The following BABAM2 variants were observed in gnomAD, a reference collection of about 807,000 sequenced individuals.
BABAM2 encodes BRISC and BRCA1-A complex member 2.
In BABAM2, 31 loss-of-function variants were observed where a neutral mutation model predicts 54.7. The observed-to-expected ratio is 0.57, with a 90% CI of 0.43 to 0.77. The LOEUF (loss-of-function observed/expected upper bound fraction) is 0.77, where lower values mean the gene tolerates loss of function less well. Among genes scored for constraint, BABAM2 ranks in the 30% least tolerant of loss-of-function variants. The pLI is 0.00. For synonymous variants in BABAM2, 167 were observed against 162.9 expected, an observed-to-expected ratio of 1.03 and a Z score of -0.19; for missense variants, 364 against 455.8, an observed-to-expected ratio of 0.80 and a Z score of 1.83.
At chr2:28,031,615 A>G (rs1288732991) in intron 5 of BABAM2, among the ~76,000 whole-genome samples, 3 of 152,196 alleles carry the variant, frequency 2.0e-5, no homozygotes, top group Non-Finnish European at 4.4e-5. Context: ...GTTAAAATCC[A>G]ATTTGGAAGG....
At position 27,899,816 on chromosome 2, in the gene BABAM2, A is replaced by G. The variant is rs1359048676; in HGVS notation, c.128+5132A>G. On this transcript the variant is annotated intron_variant, in intron 2 of 11. Coordinates refer to ENST00000379624, the MANE Select transcript of BABAM2 (RefSeq NM_199191.3). ...CTGCCTGAAAAATATGTGATATGGC[A>G]TTTAATGACATTTAATATGTATGGA... 5.3e-5 allele frequency among the ~76,000 whole-genome samples: 8 copies of G among 152,310 alleles called. No individual in the cohort carries two copies. The East Asian group carries it at 1.2e-3, about 22-fold the overall frequency.
intron 7 of BABAM2, among the ~76,000 whole-genome samples, chr2:28,147,716 A>C (rs1389532286): frequency 2.0e-5 from 3 of 152,154 alleles, no homozygotes; most frequent in South Asian, 2.1e-4. Context: ...CTCGTGATCC[A>C]CCCGTCTCGG....
At chr2:28,241,774 T>A (rs1682458558) in intron 9 of BABAM2, among the ~76,000 whole-genome samples, 1 of 151,900 alleles carries the variant, frequency 6.6e-6, no homozygotes, top group Non-Finnish European at 1.5e-5. Flanking sequence ...ATTACAGGCG[T>A]GAGCCACCAC....
intron 10 of BABAM2, among the ~76,000 whole-genome samples, chr2:28,284,213 C>A (rs1686611085): frequency 6.6e-6 from 1 of 152,104 alleles, no homozygotes; most frequent in Non-Finnish European, 1.5e-5. Context: ...ATCAGAATTG[C>A]TATCAAAGAG....
At chr2:28,257,772 C>T (rs1684093922) in intron 10 of BABAM2, among the ~76,000 whole-genome samples, 1 of 152,134 alleles carries the variant, frequency 6.6e-6, no homozygotes, top group Non-Finnish European at 1.5e-5. Context: ...GTAGTCTCAG[C>T]TACTCAGAAG....
chr2:27,907,265 T>G (rs1369011034), intron 2 of BABAM2, among the ~76,000 whole-genome samples: 16 of 152,106 alleles, frequency 1.1e-4, no homozygotes, highest in African/African-American at 4.8e-5. Context: ...CTTTTTTTTT[T>G]TTGTTTTCCG....
intron 3 of BABAM2, among the ~76,000 whole-genome samples, chr2:27,956,074 T>C (rs908184800): frequency 6.6e-6 from 1 of 152,142 alleles, no homozygotes; most frequent in African/African-American, 2.4e-5. Flanking sequence ...CATGCATGAA[T>C]TATTTTAAAT....
At chr2:28,040,409 T>C (rs1391748066) in intron 5 of BABAM2, among the ~76,000 whole-genome samples, 2 of 145,564 alleles carry the variant, frequency 1.4e-5, no homozygotes, top group Admixed American at 1.4e-4. Context: ...CACGCCATTC[T>C]CCTGCCTCAG....
intron 2 of BABAM2, among the ~76,000 whole-genome samples, chr2:27,923,181 T>A (rs1279314836): frequency 6.6e-6 from 1 of 152,228 alleles, no homozygotes; most frequent in Non-Finnish European, 1.5e-5. Context: ...TTCATATGCC[T>A]TACTTGAAGA....
intron 4 of BABAM2, among the ~76,000 whole-genome samples, chr2:28,005,582 TA>T (rs1371927485): frequency 6.6e-6 from 1 of 152,186 alleles, no homozygotes; most frequent in African/African-American, 2.4e-5. Context: ...ATTAAACAAT[TA>T]AGATTAATTG....
chr2:27,989,622 A>G (rs144881324), intron 4 of BABAM2, among the ~76,000 whole-genome samples: 498 of 152,278 alleles, frequency 3.3e-3, no homozygotes, highest in Non-Finnish European at 6.2e-3. Context: ...GAAGGAAATG[A>G]TGAAGGGAGA....
intron 11 of BABAM2, among the ~76,000 whole-genome samples, chr2:28,334,144 G>C (rs1322875745): frequency 6.6e-6 from 1 of 152,210 alleles, no homozygotes; most frequent in African/African-American, 2.4e-5. Context: ...GTTGGCCCTG[G>C]CAGGGAAAGC....
intron 10 of BABAM2, among the ~76,000 whole-genome samples, chr2:28,266,946 A>G (rs537140899): frequency 8.2e-4 from 125 of 152,360 alleles, no homozygotes; most frequent in Non-Finnish European, 2.6e-4. Flanking sequence ...AGCTGAGATC[A>G]GGAATTCGAG....
intron 3 of BABAM2, among the ~76,000 whole-genome samples, chr2:27,986,749 G>C (rs1672424924): frequency 6.6e-6 from 1 of 152,188 alleles, no homozygotes; most frequent in Admixed American, 6.5e-5. Flanking sequence ...TGTTTGAGCA[G>C]TAAAAATGAT....
intron 4 of BABAM2, among the ~76,000 whole-genome samples, chr2:28,009,496 G>A (rs376837086): frequency 3.3e-5 from 5 of 152,096 alleles, no homozygotes; most frequent in Non-Finnish European, 7.4e-5. Context: ...GTCGAAATTG[G>A]TAGCTTGGGA....
At chr2:28,229,989 A>C (rs556461076) in intron 7 of BABAM2, among the ~76,000 whole-genome samples, 226 of 152,288 alleles carry the variant, frequency 1.5e-3, no homozygotes, top group Non-Finnish European at 2.2e-3. Context: ...ATGTTTTCTG[A>C]GTGCTTAATC....
chr2:28,238,680 G>A (rs925780540), intron 8 of BABAM2, among the ~76,000 whole-genome samples: 5 of 152,072 alleles, frequency 3.3e-5, no homozygotes, highest in African/African-American at 4.8e-5. Context: ...AAAACTGATC[G>A]GAGGACAGAA....
chr2:27,972,958 G>A (rs1216002204), intron 3 of BABAM2, among the ~76,000 whole-genome samples: 1 of 151,390 alleles, frequency 6.6e-6, no homozygotes, highest in Admixed American at 6.6e-5. Context: ...AGTAGAGATG[G>A]GATTTCATCA....
chr2:28,236,352 T>C (rs1014009545), intron 7 of BABAM2, among the ~76,000 whole-genome samples: 6 of 151,840 alleles, frequency 4.0e-5, no homozygotes, highest in Admixed American at 3.9e-4. Flanking sequence ...TTCTTTTTTT[T>C]TTTCTTTTTT....
Sources: allele counts gnomAD v4.1 joint callset (sites outside exome capture counted in the v4.1 genomes callset), GRCh38; gene constraint gnomAD v4.1.1; transcripts MANE v1.5; gene names NCBI Gene and HGNC (gene_info 2026-07-23, HGNC 2026-07-21).